The following SDK1 variants were observed in gnomAD, a reference collection of about 807,000 sequenced individuals.
SDK1 encodes protein sidekick-1.
In SDK1, 157 loss-of-function variants were observed where a neutral mutation model predicts 245.5. That is an observed-to-expected ratio of 0.64 (90% confidence interval 0.56 to 0.73). SDK1 has a LOEUF of 0.73. Among genes scored for constraint, SDK1 ranks in the 30% least tolerant of loss-of-function variants. SDK1 has a pLI of 0.00. For missense variants in SDK1, 3,583 were observed against 3,002.3 expected (o/e 1.19, Z -4.52); for synonymous variants, 1,647 against 1,278.5 (o/e 1.29, Z -6.15).
rs190337624 is a variant in SDK1, at chr7:3,917,778, G to C, written c.848-33145G>C. On this transcript the variant is annotated intron_variant, in intron 5 of 44. Transcript: ENST00000404826. ...TTCATTTCTGACAGGCTTCTCTCCTGCTACATACATGCACATTATCTACAC... is the reference window on the plus strand; with the variant it reads ...TTCATTTCTGACAGGCTTCTCTCCTCCTACATACATGCACATTATCTACAC... 1.0e-3 allele frequency among the ~76,000 whole-genome samples: 156 copies of C among 152,236 alleles called. 1 individual carries two copies. The South Asian group carries it at 0.018, about 17-fold the overall frequency.
chr7:3,385,508 A>T (rs1438273302), intron 1 of SDK1, among the ~76,000 whole-genome samples: 2 of 151,858 alleles, frequency 1.3e-5, no homozygotes, highest in Non-Finnish European at 2.9e-5. Flanking sequence ...TTTTTCTAAT[A>T]AAAAAACTCC....
At chr7:3,765,468 T>C (rs942388096) in intron 4 of SDK1, among the ~76,000 whole-genome samples, 20 of 152,214 alleles carry the variant, frequency 1.3e-4, no homozygotes, top group Admixed American at 3.3e-4. Flanking sequence ...CTCAACGTTA[T>C]GCTTGTAAGA....
intron 28 of SDK1, among the ~76,000 whole-genome samples, 174 bp from the exon 29 acceptor site, chr7:4,145,548 G>T (rs998435857): frequency 9.2e-5 from 14 of 152,108 alleles, no homozygotes; most frequent in African/African-American, 3.4e-4. Flanking sequence ...TCCACGTGGG[G>T]CCCCACCATT....
chr7:4,070,545 C>G (rs1455794708), intron 20 of SDK1, among the ~76,000 whole-genome samples: 1 of 152,126 alleles, frequency 6.6e-6, no homozygotes, highest in East Asian at 1.9e-4. Context: ...CTACAGTGAC[C>G]TCTTTCTACA....
intron 4 of SDK1, among the ~76,000 whole-genome samples, chr7:3,812,925 G>A (rs952843621): frequency 3.3e-5 from 5 of 152,228 alleles, no homozygotes; most frequent in African/African-American, 9.6e-5. Context: ...ACGAGAAACA[G>A]GTTTCCCAAA....
chr7:3,486,794 A>G (rs1781709566), intron 1 of SDK1, among the ~76,000 whole-genome samples: 1 of 152,158 alleles, frequency 6.6e-6, no homozygotes, highest in African/African-American at 2.4e-5. Flanking sequence ...ATTTGTAAAT[A>G]TATCCTTTTG....
At chr7:3,560,865 C>T (rs1779730145) in intron 1 of SDK1, among the ~76,000 whole-genome samples, 1 of 152,158 alleles carries the variant, frequency 6.6e-6, no homozygotes, top group Admixed American at 6.5e-5. Context: ...ATTTGCTCTT[C>T]CCGAAGGTGT....
intron 2 of SDK1, among the ~76,000 whole-genome samples, chr7:3,637,052 GCA>G (rs1491170047): frequency 2.1e-5 from 2 of 96,936 alleles, no homozygotes; most frequent in Non-Finnish European, 2.2e-5. Context: ...TTTTCCTGAT[GCA>G]GAGAGAGAGA....
At chr7:3,389,578 C>G (rs1320016390) in intron 1 of SDK1, among the ~76,000 whole-genome samples, 1 of 152,088 alleles carries the variant, frequency 6.6e-6, no homozygotes, top group African/African-American at 2.4e-5. Context: ...AGCCATAGGT[C>G]TATTGTAGTT....
At chr7:4,064,994 C>T (rs1457856256) in intron 19 of SDK1, among the ~76,000 whole-genome samples, 6 of 151,896 alleles carry the variant, frequency 4.0e-5, no homozygotes, top group South Asian at 2.1e-4. Flanking sequence ...TCCAATGCTC[C>T]GTGGCACAGT....
At chr7:3,753,068 G>A (rs1232890659) in intron 4 of SDK1, among the ~76,000 whole-genome samples, 1 of 152,100 alleles carries the variant, frequency 6.6e-6, no homozygotes, top group Non-Finnish European at 1.5e-5. Flanking sequence ...ATCTTTCAAT[G>A]TACTGCCATC....
At chr7:4,220,866 C>T (rs1044850710) in intron 39 of SDK1, among the ~76,000 whole-genome samples, 9 of 151,984 alleles carry the variant, frequency 5.9e-5, no homozygotes, top group East Asian at 1.9e-4. Context: ...CAACCTCCCC[C>T]GGCTGAAGCG....
Position 4,083,114 on chromosome 7 carries a change from G to T in SDK1, c.3324+3530G>T, listed in dbSNP as rs938042412. On this transcript the variant is annotated intron_variant, in intron 22 of 44. Coordinates refer to ENST00000404826, the MANE Select transcript of SDK1 (RefSeq NM_152744.4). ...TTATTGAGTTGCAATTGACATACAG[G>T]TTTAAACTGCATATATTTAAGATGG... Among the ~76,000 whole-genome samples, 20 of 152,234 alleles carry T rather than the reference G, an allele frequency of 1.3e-4. 1 individual carries two copies. The East Asian group carries it at 3.5e-3, about 26-fold the overall frequency.
chr7:3,964,692 T>G (rs535860008), intron 9 of SDK1, among the ~76,000 whole-genome samples: 1 of 152,328 alleles, frequency 6.6e-6, no homozygotes, highest in African/African-American at 2.4e-5. Context: ...GAATTATACC[T>G]TTTGTGTTTG....
intron 4 of SDK1, among the ~76,000 whole-genome samples, chr7:3,647,667 C>T (rs1285503314): frequency 6.6e-6 from 1 of 152,058 alleles, no homozygotes; most frequent in African/African-American, 2.4e-5. Flanking sequence ...TGACTTCAGG[C>T]AATCCACCCG....
intron 1 of SDK1, among the ~76,000 whole-genome samples, chr7:3,545,817 T>C (rs1779207907): frequency 6.6e-6 from 1 of 152,210 alleles, no homozygotes; most frequent in Non-Finnish European, 1.5e-5. Context: ...AAATAGTACT[T>C]TGAAATCTGA....
At chr7:3,756,651 G>A (rs1583380672) in intron 4 of SDK1, among the ~76,000 whole-genome samples, 1 of 151,638 alleles carries the variant, frequency 6.6e-6, no homozygotes, top group Non-Finnish European at 1.5e-5. Flanking sequence ...CTAAGACCTT[G>A]TGCGTGTAGT....
At chr7:3,311,233 T>C (rs1779542267) in intron 1 of SDK1, among the ~76,000 whole-genome samples, 1 of 152,116 alleles carries the variant, frequency 6.6e-6, no homozygotes, top group Non-Finnish European at 1.5e-5. Flanking sequence ...ATGGTTATGA[T>C]AATATAGAAA....
At chr7:3,508,945 G>A (rs1409788259) in intron 1 of SDK1, among the ~76,000 whole-genome samples, 3 of 152,186 alleles carry the variant, frequency 2.0e-5, no homozygotes, top group Non-Finnish European at 2.9e-5. Flanking sequence ...GCTCTTAAAG[G>A]ATAAACATAT....
Sources: allele counts gnomAD v4.1 joint callset (sites outside exome capture counted in the v4.1 genomes callset), GRCh38; gene constraint gnomAD v4.1.1; transcripts MANE v1.5; gene names NCBI Gene and HGNC (gene_info 2026-07-23, HGNC 2026-07-21).